The following TMEM26 variants were observed in gnomAD, a reference collection of about 807,000 sequenced individuals.
TMEM26 encodes transmembrane protein 26.
TMEM26 carries 38 observed loss-of-function variants against 28.8 expected under a neutral mutation model. The observed-to-expected ratio is 1.32, with a 90% CI of 1.02 to 1.73. The LOEUF (loss-of-function observed/expected upper bound fraction) is 1.73, where lower values mean the gene tolerates loss of function less well. TMEM26 is among the 40% of genes most tolerant of loss of function. The probability of loss-of-function intolerance (pLI) is 0.00; values close to 1 mark genes in which losing one functional copy is unlikely to be tolerated. For missense variants in TMEM26, 518 were observed against 447.1 expected (o/e 1.16, Z -1.43); for synonymous variants, 227 against 182.9 (o/e 1.24, Z -1.95).
chr10:61,413,420 TA>T, intron 5 of TMEM26, 38 bp downstream of exon 5: 1 of 1,599,954 alleles, frequency 6.3e-7, no homozygotes, highest in Non-Finnish European at 8.5e-7. Context: ...TCAAGAGGTG[TA>T]ATTTTCTATT....
intron 1 of TMEM26, among the ~76,000 whole-genome samples, chr10:61,438,169 C>T (rs1840038749): frequency 6.6e-6 from 1 of 152,040 alleles, no homozygotes; most frequent in Admixed American, 6.5e-5. Context: ...ACTCCCCCAC[C>T]TTTGATTTCC....
At chr10:61,416,896 T>C (rs1839661300) in intron 4 of TMEM26, among the ~76,000 whole-genome samples, 1 of 152,024 alleles carries the variant, frequency 6.6e-6, no homozygotes, top group South Asian at 2.1e-4. Flanking sequence ...AACCATACAA[T>C]AATAAATGCA....
chr10:61,444,647 A>T (rs1361219057), intron 1 of TMEM26, among the ~76,000 whole-genome samples: 1 of 135,982 alleles, frequency 7.4e-6, no homozygotes, highest in Non-Finnish European at 1.5e-5. Context: ...TTTTACCCTC[A>T]TAATTTAAAA....
At chr10:61,449,154 GA>G (rs1268958936) in intron 1 of TMEM26, among the ~76,000 whole-genome samples, 1 of 151,924 alleles carries the variant, frequency 6.6e-6, no homozygotes, top group Non-Finnish European at 1.5e-5. Context: ...AATATTAGGT[GA>G]AAAAAAGCAA....
intron 4 of TMEM26, among the ~76,000 whole-genome samples, chr10:61,421,123 A>G (rs989581752): frequency 6.6e-6 from 1 of 152,144 alleles, no homozygotes; most frequent in Non-Finnish European, 1.5e-5. Flanking sequence ...ATCAGAATTA[A>G]GTTAGTTTTA....
At chr10:61,441,932 C>T (rs1427757777) in intron 1 of TMEM26, among the ~76,000 whole-genome samples, 2 of 152,046 alleles carry the variant, frequency 1.3e-5, no homozygotes, top group Non-Finnish European at 2.9e-5. Flanking sequence ...AATTCCATAG[C>T]TCTTAGCCTA....
At chr10:61,411,867 T>C (rs987621749) in intron 5 of TMEM26, among the ~76,000 whole-genome samples, 13 of 152,250 alleles carry the variant, frequency 8.5e-5, no homozygotes, top group African/African-American at 3.1e-4. Context: ...TTGATATGGA[T>C]AAACATAATG....
intron 1 of TMEM26, among the ~76,000 whole-genome samples, chr10:61,439,261 T>C (rs1235706911): frequency 3.3e-5 from 5 of 152,254 alleles, no homozygotes; most frequent in Non-Finnish European, 7.3e-5. Context: ...GTTATGTGTG[T>C]ATAAGACTTC....
intron 5 of TMEM26, among the ~76,000 whole-genome samples, chr10:61,412,614 A>C (rs1236304117): frequency 1.3e-5 from 2 of 152,260 alleles, no homozygotes; most frequent in Non-Finnish European, 2.9e-5. Flanking sequence ...GGTTCCAAGA[A>C]GTTTTCAGAT....
chr10:61,444,151 C>T (rs1840140140), intron 1 of TMEM26, among the ~76,000 whole-genome samples: 1 of 152,152 alleles, frequency 6.6e-6, no homozygotes, highest in South Asian at 2.1e-4. Context: ...TGCAGGCTTT[C>T]CACACTCTTG....
intron 1 of TMEM26, among the ~76,000 whole-genome samples, chr10:61,448,952 C>T (rs1424565494): frequency 6.6e-6 from 1 of 152,078 alleles, no homozygotes; most frequent in African/African-American, 2.4e-5. Flanking sequence ...TTTTTTCTAT[C>T]CCTGAGGAAT....
chr10:61,425,630 T>C (rs1016331952), intron 4 of TMEM26, among the ~76,000 whole-genome samples: 1 of 151,726 alleles, frequency 6.6e-6, no homozygotes, highest in Non-Finnish European at 1.5e-5. Context: ...TGAAGAAAAA[T>C]TTAAACAGAC....
At chr10:61,434,297 T>C (rs954039737) in intron 2 of TMEM26, among the ~76,000 whole-genome samples, 2 of 152,216 alleles carry the variant, frequency 1.3e-5, no homozygotes, top group African/African-American at 4.8e-5. Context: ...ATTAGAGAGC[T>C]ACTGCTCGGG....
rs570972385 is a variant in TMEM26 at position 61,442,879 on chromosome 10, T to G, written c.192-6631A>C. On this transcript the variant is annotated intron_variant, in intron 1 of 5. Transcript: ENST00000399298. ...TGTAAGGGGAATATGATGACCAATA[T>G]AACAACCTCAGTATTTCCTCTACCT... Among the ~76,000 whole-genome samples the G allele has an allele frequency of 2.6e-5, 4 of 152,278 alleles. No individual in the cohort carries two copies. The East Asian group carries it at 7.7e-4, about 29-fold the overall frequency.
At chr10:61,414,996 G>A (rs1839627673) in intron 4 of TMEM26, 2 of 985,376 alleles carry the variant, frequency 2.0e-6, no homozygotes, top group Non-Finnish European at 2.4e-6. Flanking sequence ...CCAATGGGTT[G>A]TTGAAGGCTG....
intron 1 of TMEM26, among the ~76,000 whole-genome samples, chr10:61,446,911 A>G (rs994394893): frequency 6.7e-6 from 1 of 148,946 alleles, no homozygotes; most frequent in Non-Finnish European, 1.5e-5. Flanking sequence ...CACAGAGTGA[A>G]CATACATGTT....
chr10:61,446,848 A>AT (rs1840191068), intron 1 of TMEM26, among the ~76,000 whole-genome samples: 1 of 126,832 alleles, frequency 7.9e-6, no homozygotes, highest in African/African-American at 3.3e-5. Flanking sequence ...AAAAAAAAAA[A>AT]AAAATTAAAA....
chr10:61,443,315 A>T (rs993127851), intron 1 of TMEM26, among the ~76,000 whole-genome samples: 1 of 148,210 alleles, frequency 6.7e-6, no homozygotes, highest in Non-Finnish European at 1.5e-5. Flanking sequence ...AAAAAAAAAA[A>T]TTAGCCGGTT....
At chr10:61,452,735 A>G in intron 1 of TMEM26, 156 bp downstream of exon 1, 1 of 925,592 alleles carries the variant, frequency 1.1e-6, no homozygotes, top group Admixed American at 2.4e-5. Flanking sequence ...TGCCCAAGAG[A>G]TGCGCAAGCA....
Sources: gnomAD v4.1 joint callset for allele counts (sites outside exome capture counted in the v4.1 genomes callset) on GRCh38, gnomAD v4.1.1 for gene constraint, MANE v1.5 for transcripts, NCBI Gene and HGNC (gene_info 2026-07-23, HGNC 2026-07-21) for gene names.